Variants in GANC observed in about 807,000 individuals in gnomAD.
GANC encodes glucosidase alpha, neutral C, also known as neutral alpha-glucosidase C.
GANC carries 117 observed loss-of-function variants against 124.2 expected under a neutral mutation model. The observed-to-expected ratio is 0.94, with a 90% CI of 0.81 to 1.10. The LOEUF is 1.10. Ranked by LOEUF, GANC falls within the 50% of genes least tolerant of loss-of-function variation. GANC has a pLI of 0.00. For missense variants in GANC, 1,140 were observed against 1,095.0 expected (o/e 1.04, Z -0.58); for synonymous variants, 377 against 376.8 (o/e 1.00, Z -0.01).
intron 16 of GANC, among the ~76,000 whole-genome samples, chr15:42,339,343 CACACACACACACACAGTT>C (rs1415740335): frequency 2.0e-5 from 3 of 150,120 alleles, no homozygotes; most frequent in South Asian, 2.1e-4. Flanking sequence ...CACACACACA[CACACACACACACACAGTT>C]ATTTAATCAG....
chr15:42,339,590 G>T (rs2052313583), intron 16 of GANC, 79 bp from the exon 17 acceptor site: 3 of 1,536,456 alleles, frequency 2.0e-6, no homozygotes, highest in Admixed American at 1.9e-5. Flanking sequence ...TCTCCTGTCG[G>T]TCTTCAAGAC....
rs1258653920 is a variant in GANC at position 42,329,290 on chromosome 15, A to G, written c.1501-16A>G. ...TCATCAATGTAGGAGTGTCATGACC[A>G]AGGTTTACTTCCTAGGGATCTACGG... On this transcript the variant is annotated splice_polypyrimidine_tract_variant and intron_variant, in intron 13 of 23. Transcript: ENST00000318010. 3 of 1,605,668 alleles carry G rather than the reference A, an allele frequency of 1.9e-6. No homozygotes were observed. The highest frequency in any genetic ancestry group is 2.2e-5 in the South Asian group (2 of 89,700).
intron 10 of GANC, chr15:42,314,793 A>G (rs1289151691): frequency 6.6e-6 from 1 of 152,328 alleles, no homozygotes; most frequent in Non-Finnish European, 1.5e-5. Context: ...AAATCACTAC[A>G]TTAAAGGGTT....
At chr15:42,282,214 A>G (rs1257595199) in intron 3 of GANC, among the ~76,000 whole-genome samples, 1 of 152,074 alleles carries the variant, frequency 6.6e-6, no homozygotes, top group Non-Finnish European at 1.5e-5. Context: ...CCAGCTACTC[A>G]GGAGGCTGAG....
In GANC at chr15:42,287,695, C is replaced by G; in HGVS notation, c.206C>G (p.Pro69Arg). Residue 69 changes from proline (P) to arginine (R), a missense_variant, in exon 4 of 24, where the codon CCT becomes CGT. Transcript: ENST00000318010. ...ATCTCTTGTATCTGTTTCCAGGTTC[C>G]TCTCCTGGCTGAAATTTATGGTATA... is the stretch of plus-strand genomic sequence containing the variant. Reference protein sequence around the residue: ...FQIINEASKVPLLAEIYGIEG... With the variant: ...FQIINEASKVRLLAEIYGIEG... The G allele has an allele frequency of 6.2e-7, 1 of 1,610,638 alleles. No homozygotes were observed. Among genetic ancestry groups the G allele is most frequent in the South Asian group, 1.1e-5 (1 of 90,568 alleles).
intron 10 of GANC, among the ~76,000 whole-genome samples, chr15:42,316,005 A>G (rs1173566123): frequency 3.9e-5 from 6 of 151,914 alleles, no homozygotes; most frequent in African/African-American, 1.4e-4. Flanking sequence ...CATATTTATA[A>G]GTATATAAAT....
Position 42,353,266 on chromosome 15 carries a change from T to C in GANC, c.*1127T>C, listed in dbSNP as rs915458097. On this transcript the variant is annotated 3_prime_UTR_variant, in exon 24 of 24. Coordinates refer to ENST00000318010, the MANE Select transcript of GANC (RefSeq NM_198141.3). Reference sequence around the variant, plus strand: ...CAGCACACACCTCTTCTTATCAGGCTTCCTCCACTTAGCAACTTGCTAACG... The same window carrying C: ...CAGCACACACCTCTTCTTATCAGGCCTCCTCCACTTAGCAACTTGCTAACG... 4.1e-6 allele frequency: 4 copies of C among 985,998 alleles called. No homozygotes were observed. The highest frequency in any genetic ancestry group is 4.8e-6 in the Non-Finnish European group (4 of 830,108). The allele number at this position is 985,998 out of a possible 1,614,324, so 61.1% of individuals were successfully genotyped here. A position where few individuals can be genotyped will look rare whatever the true frequency, so the allele number is the denominator to read the frequency against.
chr15:42,276,145 T>C (rs2051668662), intron 1 of GANC: 2 of 392,572 alleles, frequency 5.1e-6, no homozygotes, highest in South Asian at 7.6e-5. Flanking sequence ...TGTTTTGTTG[T>C]TTACCTCAGA....
At chr15:42,331,459 C>T (rs776915322) in intron 15 of GANC, among the ~76,000 whole-genome samples, 5 of 152,198 alleles carry the variant, frequency 3.3e-5, no homozygotes, top group Admixed American at 6.5e-5. Context: ...AGATCTGGTT[C>T]AACTTAACAA....
intron 22 of GANC, among the ~76,000 whole-genome samples, chr15:42,349,774 A>G (rs528513067): frequency 4.6e-5 from 7 of 151,808 alleles, no homozygotes; most frequent in African/African-American, 1.7e-4. Context: ...TCAGCCTCCC[A>G]AGTAGCTGGA....
At chr15:42,308,132 T>C (rs1360120578) in intron 7 of GANC, 90 bp from the exon 8 acceptor site, 1 of 735,448 alleles carries the variant, frequency 1.4e-6, no homozygotes, top group Non-Finnish European at 2.3e-6. Flanking sequence ...CAGCCTTTAG[T>C]CTAGTCATCT....
rs1201856906 is a variant in GANC at position 42,287,691 on chromosome 15, G to T, written c.202G>T (p.Val68Phe). The T allele has an allele frequency of 1.9e-6, 3 of 1,610,118 alleles. No homozygotes were observed. Among genetic ancestry groups the T allele is most frequent in the East Asian group, 2.2e-5 (1 of 44,758 alleles). Residue 68 changes from valine (V) to phenylalanine (F), a missense_variant and splice_region_variant, in exon 4 of 24, where the codon GTT becomes TTT. Val to Phe is a conservative substitution (Grantham distance 50). Transcript: ENST00000318010. ...GGTAATCTCTTGTATCTGTTTCCAGGTTCCTCTCCTGGCTGAAATTTATGG... is the reference window on the plus strand; with the variant it reads ...GGTAATCTCTTGTATCTGTTTCCAGTTTCCTCTCCTGGCTGAAATTTATGG... Reference protein sequence around the residue: ...RFQIINEASKVPLLAEIYGIE... With the variant: ...RFQIINEASKFPLLAEIYGIE...
At chr15:42,286,653 A>G (rs1203718489) in intron 3 of GANC, among the ~76,000 whole-genome samples, 1 of 152,194 alleles carries the variant, frequency 6.6e-6, no homozygotes, top group African/African-American at 2.4e-5. Flanking sequence ...GTTCATTATC[A>G]TGTTACAGTT....
At chr15:42,296,060 C>T (rs964554094) in intron 5 of GANC, among the ~76,000 whole-genome samples, 1 of 150,412 alleles carries the variant, frequency 6.6e-6, no homozygotes, top group Non-Finnish European at 1.5e-5. Flanking sequence ...GGGAGAATCA[C>T]TTGAACCTGG....
In GANC at chr15:42,353,021, CA is replaced by C. The variant is rs922305122; in HGVS notation, c.*890del. 3.4e-5 allele frequency: 26 copies of C among 763,318 alleles called. No homozygotes were observed. Among genetic ancestry groups the C allele is most frequent in the Admixed American group, 1.3e-4 (2 of 15,904 alleles). The allele number at this position is 763,318 out of a possible 1,614,324, so 47.3% of individuals were successfully genotyped here. A position where few individuals can be genotyped will look rare whatever the true frequency, so the allele number is the denominator to read the frequency against. On this transcript the variant is annotated 3_prime_UTR_variant, in exon 24 of 24. Coordinates refer to ENST00000318010, the MANE Select transcript of GANC (RefSeq NM_198141.3). ...ATATTTTTAAAAATCAGAATTAATG[CA>C]AAAAAAACCATGATGAACAAAATAT...
intron 3 of GANC, among the ~76,000 whole-genome samples, chr15:42,281,968 C>T (rs1413981681): frequency 6.6e-6 from 1 of 152,104 alleles, no homozygotes; most frequent in Non-Finnish European, 1.5e-5. Context: ...AGATGGATCT[C>T]CTGAGGTCAG....
At chr15:42,278,023 A>C (rs779873851) in intron 2 of GANC, 1 of 391,286 alleles carries the variant, frequency 2.6e-6, no homozygotes. Flanking sequence ...TCTGTTTAAT[A>C]GGAAGAAAAG....
chr15:42,303,808 T>A (rs912150904), intron 6 of GANC, among the ~76,000 whole-genome samples: 3 of 151,948 alleles, frequency 2.0e-5, no homozygotes, highest in Non-Finnish European at 4.4e-5. Context: ...GAGCTAACTA[T>A]CCTAAATATA....
rs2051632521 is a variant in GANC at position 42,274,451 on chromosome 15, G to T, written c.-31G>T. 1 of 1,607,810 alleles carries T rather than the reference G, an allele frequency of 6.2e-7. No individual in the cohort carries two copies. Among genetic ancestry groups the T allele is most frequent in the Non-Finnish European group, 8.5e-7 (1 of 1,177,258 alleles). ...ATCGCCCAGGGCCCTTGTCCTGAGAGCTGGGAGCTGGTCGGAGTGACAGAG... is the reference window on the plus strand; with the variant it reads ...ATCGCCCAGGGCCCTTGTCCTGAGATCTGGGAGCTGGTCGGAGTGACAGAG... On this transcript the variant is annotated 5_prime_UTR_variant, in exon 1 of 24. Transcript: ENST00000318010.
Sources: allele counts gnomAD v4.1 joint callset (sites outside exome capture counted in the v4.1 genomes callset), GRCh38; gene constraint gnomAD v4.1.1; transcripts MANE v1.5; gene names NCBI Gene and HGNC (gene_info 2026-07-23, HGNC 2026-07-21).